Variants in CLASP1 observed in about 807,000 individuals in gnomAD.
CLASP1 encodes the protein CLIP-associating protein 1.
CLASP1 carries 38 observed loss-of-function variants against 192.3 expected under a neutral mutation model. The ratio of observed to expected loss-of-function variants is 0.20; its 90% CI spans 0.15 to 0.26. The LOEUF (loss-of-function observed/expected upper bound fraction) is 0.26, where lower values mean the gene tolerates loss of function less well. Among genes scored for constraint, CLASP1 ranks in the 10% least tolerant of loss-of-function variants. The pLI, the probability that CLASP1 is intolerant of heterozygous loss-of-function variation, is 1.00. For synonymous variants in CLASP1, 691 were observed against 712.8 expected, an observed-to-expected ratio of 0.97 and a Z score of 0.49; for missense variants, 1,433 against 1,932.5, an observed-to-expected ratio of 0.74 and a Z score of 4.85.
chr2:121,393,675 A>T (rs982146482), intron 30 of CLASP1, among the ~76,000 whole-genome samples: 1 of 152,184 alleles, frequency 6.6e-6, no homozygotes, highest in Admixed American at 6.5e-5. Context: ...ATGCTACATC[A>T]AAACAGGGAA....
exon 8 of CLASP1, chr2:121,503,199 T>C: frequency 6.5e-7 from 1 of 1,550,374 alleles, no homozygotes; most frequent in Non-Finnish European, 8.7e-7. Flanking sequence ...TCCAGATTTC[T>C]GGACTTCATC....
chr2:121,366,311 T>G (rs1240448307), intron 35 of CLASP1, among the ~76,000 whole-genome samples: 1 of 152,216 alleles, frequency 6.6e-6, no homozygotes, highest in Non-Finnish European at 1.5e-5. Flanking sequence ...TATACCCTAA[T>G]AGCTCACTGT....
intron 1 of CLASP1, among the ~76,000 whole-genome samples, chr2:121,629,264 C>T (rs1365997309): frequency 6.6e-6 from 1 of 152,038 alleles, no homozygotes; most frequent in Admixed American, 6.6e-5. Context: ...GTGGCAGGCA[C>T]CTGCAGTCCC....
intron 6 of CLASP1, among the ~76,000 whole-genome samples, chr2:121,521,838 C>A (rs550009288): frequency 5.3e-5 from 8 of 152,146 alleles, no homozygotes; most frequent in Non-Finnish European, 1.2e-4. Flanking sequence ...AACACTGATA[C>A]AACAGTGTCC....
At chr2:121,389,619 T>C (rs961991697) in intron 30 of CLASP1, among the ~76,000 whole-genome samples, 2 of 152,184 alleles carry the variant, frequency 1.3e-5, no homozygotes, top group Non-Finnish European at 1.5e-5. Context: ...TGGTTGAAAA[T>C]GGCATTTGAA....
chr2:121,463,609 A>G (rs774407716), intron 9 of CLASP1, among the ~76,000 whole-genome samples: 34 of 152,176 alleles, frequency 2.2e-4, no homozygotes, highest in African/African-American at 6.5e-4. Context: ...GTACCCACAT[A>G]TACTGAAGAG....
intron 34 of CLASP1, among the ~76,000 whole-genome samples, chr2:121,372,914 T>C (rs2069056767): frequency 6.6e-6 from 1 of 152,220 alleles, no homozygotes; most frequent in Admixed American, 6.5e-5. Flanking sequence ...AATCACACCA[T>C]GCCTACATCC....
At chr2:121,431,009 G>A (rs183734401) in intron 19 of CLASP1, among the ~76,000 whole-genome samples, 44 of 149,540 alleles carry the variant, frequency 2.9e-4, no homozygotes, top group Admixed American at 2.0e-4. Context: ...TTTTGGTTTC[G>A]AGGGAGCACA....
chr2:121,568,514 T>C (rs1323768297), intron 2 of CLASP1, among the ~76,000 whole-genome samples: 1 of 151,400 alleles, frequency 6.6e-6, no homozygotes, highest in Non-Finnish European at 1.5e-5. Context: ...TAGTGAAGAC[T>C]GCCCAGCACT....
intron 3 of CLASP1, 59 bp from the exon 4 acceptor site, chr2:121,528,839 A>C (rs2094655755): frequency 3.9e-6 from 5 of 1,265,870 alleles, no homozygotes; most frequent in African/African-American, 2.9e-5. Flanking sequence ...TGTGGTCACC[A>C]AGTATTCCTA....
At chr2:121,351,135 TG>T (rs2064306654) in intron 37 of CLASP1, among the ~76,000 whole-genome samples, 4 of 152,128 alleles carry the variant, frequency 2.6e-5, no homozygotes, top group African/African-American at 9.7e-5. Flanking sequence ...AGGTGCTCCG[TG>T]GTACAGCCAG....
chr2:121,478,889 ACACACACACACCACACCACACACAC>A lies in CLASP1; in HGVS notation c.713-8954_713-8930del, dbSNP rs1559369018. Among the ~76,000 whole-genome samples, 47 of 11,304 alleles carry A rather than the reference ACACACACACACCACACCACACACAC, an allele frequency of 4.2e-3. 1 individual carries two copies. Among genetic ancestry groups the A allele is most frequent in the African/African-American group, 0.01 (43 of 4,270 alleles). 7.4% of individuals were successfully genotyped at this position (11,304 alleles called of 152,430 possible). ...ACACACACCACACCACACACACACCACACACACACACCACACCACACACACCACACACACACCACACAACACCCCC... is the reference window on the plus strand; with the variant it reads ...ACACACACCACACCACACACACACCACACACACACACCACACAACACCCCC... On this transcript the variant is annotated intron_variant, in intron 8 of 39. Transcript: ENST00000263710.
At chr2:121,592,797 T>G (rs1474964040) in intron 2 of CLASP1, among the ~76,000 whole-genome samples, 1 of 152,028 alleles carries the variant, frequency 6.6e-6, no homozygotes, top group Admixed American at 6.5e-5. Flanking sequence ...GGACTATAGG[T>G]GCCCGCCACC....
At chr2:121,517,489 G>T (rs2094331628) in intron 6 of CLASP1, among the ~76,000 whole-genome samples, 1 of 152,196 alleles carries the variant, frequency 6.6e-6, no homozygotes, top group African/African-American at 2.4e-5. Flanking sequence ...GCTGTGGACT[G>T]AACTGTGTGC....
chr2:121,564,642 A>G (rs2059360597), intron 2 of CLASP1, among the ~76,000 whole-genome samples: 1 of 152,220 alleles, frequency 6.6e-6, no homozygotes, highest in African/African-American at 2.4e-5. Flanking sequence ...CGGGAAACCA[A>G]GCACACATTT....
At chr2:121,540,661 G>C (rs534867384) in intron 2 of CLASP1, among the ~76,000 whole-genome samples, 14 of 151,846 alleles carry the variant, frequency 9.2e-5, no homozygotes, top group African/African-American at 3.4e-4. Context: ...AGTGGCATGC[G>C]CCTGTCATCC....
chr2:121,443,733 T>A (rs2083791753), intron 19 of CLASP1, among the ~76,000 whole-genome samples: 6 of 152,184 alleles, frequency 3.9e-5, no homozygotes, highest in Non-Finnish European at 1.5e-5. Context: ...TTAATCAGCA[T>A]CTTCAGGGTG....
intron 2 of CLASP1, among the ~76,000 whole-genome samples, chr2:121,570,562 C>T (rs1334333855): frequency 6.6e-6 from 1 of 152,256 alleles, no homozygotes; most frequent in Non-Finnish European, 1.5e-5. Context: ...CATCCTCTCT[C>T]ACAGCAAGCA....
chr2:121,610,338 G>A (rs1163527307), intron 1 of CLASP1, among the ~76,000 whole-genome samples: 1 of 151,336 alleles, frequency 6.6e-6, no homozygotes, highest in Non-Finnish European at 1.5e-5. Flanking sequence ...AGTTATAGGA[G>A]GAAGAGGAGC....
Sources: allele counts gnomAD v4.1 joint callset (sites outside exome capture counted in the v4.1 genomes callset), GRCh38; gene constraint gnomAD v4.1.1; transcripts MANE v1.5; gene names NCBI Gene and HGNC (gene_info 2026-07-23, HGNC 2026-07-21).